The following HCN1 variants were observed in gnomAD, a reference collection of about 807,000 sequenced individuals.
HCN1 encodes potassium/sodium hyperpolarization-activated cyclic nucleotide-gated channel 1.
Under a neutral mutation model 78.9 loss-of-function variants are expected in HCN1, and 13 were observed. The observed-to-expected ratio is 0.16, with a 90% CI of 0.11 to 0.26. The LOEUF (loss-of-function observed/expected upper bound fraction) is 0.26. Ranked by LOEUF, HCN1 falls within the 10% of genes least tolerant of loss-of-function variation. The pLI is 1.00. For synonymous variants in HCN1, 552 were observed against 455.5 expected (o/e 1.21, Z -2.70); for missense variants, 810 against 1,154.3 (o/e 0.70, Z 4.32).
intron 1 of HCN1, among the ~76,000 whole-genome samples, chr5:45,679,877 A>C (rs1055375908): frequency 1.3e-5 from 2 of 152,052 alleles, no homozygotes; most frequent in African/African-American, 4.8e-5. Context: ...CATTTTGGTC[A>C]TTACTATCTC....
chr5:45,292,990 T>G lies in HCN1; in HGVS notation c.1618+10609A>C, dbSNP rs537236759. On this transcript the variant is annotated intron_variant, in intron 6 of 7. Transcript: ENST00000303230. ...TAATTGAAATAATTCAATAATAGGC[T>G]AAATGCTATGAAAGCATAAAGAGAA... is the stretch of plus-strand genomic sequence containing the variant. Among the ~76,000 whole-genome samples the G allele has an allele frequency of 2.2e-4, 34 of 152,174 alleles. No homozygotes were observed. The South Asian group carries it at 6.6e-3, about 30-fold the overall frequency.
chr5:45,485,032 C>T (rs1274127551), intron 2 of HCN1, among the ~76,000 whole-genome samples: 3 of 152,150 alleles, frequency 2.0e-5, no homozygotes, highest in African/African-American at 7.2e-5. Flanking sequence ...TTTGGATAAA[C>T]TCATTATCCA....
intron 4 of HCN1, among the ~76,000 whole-genome samples, chr5:45,391,724 G>A (rs1579864070): frequency 6.6e-6 from 1 of 151,894 alleles, no homozygotes; most frequent in Non-Finnish European, 1.5e-5. Context: ...TTGCTCCCAG[G>A]GAAATAAATC....
chr5:45,539,305 A>G (rs1252434200), intron 2 of HCN1, among the ~76,000 whole-genome samples: 1 of 151,682 alleles, frequency 6.6e-6, no homozygotes, highest in African/African-American at 2.4e-5. Flanking sequence ...TTTATTTTAA[A>G]ACTTTAAAAT....
chr5:45,363,530 TA>T (rs1261500699), intron 4 of HCN1, among the ~76,000 whole-genome samples: 1 of 151,854 alleles, frequency 6.6e-6, no homozygotes, highest in Non-Finnish European at 1.5e-5. Context: ...TGTCTATAAC[TA>T]AAAAAAACCT....
chr5:45,372,124 A>T (rs1274452292), intron 4 of HCN1, among the ~76,000 whole-genome samples: 6 of 53,600 alleles, frequency 1.1e-4, no homozygotes, highest in East Asian at 8.8e-4. Context: ...ATTATATATT[A>T]TATATATAAT....
chr5:45,474,744 C>T (rs545783620), intron 2 of HCN1, among the ~76,000 whole-genome samples: 1 of 151,884 alleles, frequency 6.6e-6, no homozygotes, highest in Non-Finnish European at 1.5e-5. Flanking sequence ...ATTCACTCCT[C>T]CAACTATGGG....
At chr5:45,382,510 C>T (rs1747830444) in intron 4 of HCN1, among the ~76,000 whole-genome samples, 1 of 152,136 alleles carries the variant, frequency 6.6e-6, no homozygotes, top group South Asian at 2.1e-4. Context: ...CATGTTTATA[C>T]ACACACAGAT....
At chr5:45,326,848 A>G (rs1746243053) in intron 5 of HCN1, among the ~76,000 whole-genome samples, 1 of 151,646 alleles carries the variant, frequency 6.6e-6, no homozygotes, top group Non-Finnish European at 1.5e-5. Context: ...GTCTTAGCAT[A>G]GTCCCACTGC....
chr5:45,523,220 A>G (rs1473015116), intron 2 of HCN1, among the ~76,000 whole-genome samples: 1 of 152,074 alleles, frequency 6.6e-6, no homozygotes, highest in Non-Finnish European at 1.5e-5. Context: ...AGTATTCCAT[A>G]GTGTATATGT....
At chr5:45,429,179 G>A (rs992978289) in intron 3 of HCN1, among the ~76,000 whole-genome samples, 12 of 152,144 alleles carry the variant, frequency 7.9e-5, no homozygotes, top group Admixed American at 2.0e-4. Flanking sequence ...TGATGGCAAT[G>A]ACAATCTCAA....
chr5:45,539,950 ATATATAT>A (rs1743063473), intron 2 of HCN1, among the ~76,000 whole-genome samples: 4 of 99,920 alleles, frequency 4.0e-5, no homozygotes, highest in South Asian at 3.2e-4. Context: ...ATATATATAT[ATATATAT>A]ATAAAATGTT....
intron 2 of HCN1, among the ~76,000 whole-genome samples, chr5:45,463,903 G>A (rs1283542705): frequency 6.6e-6 from 1 of 152,004 alleles, no homozygotes; most frequent in African/African-American, 2.4e-5. Flanking sequence ...GAAAAACCAG[G>A]AAGCTTATCA....
chr5:45,671,499 C>A (rs1477044577), intron 1 of HCN1, among the ~76,000 whole-genome samples: 1 of 151,396 alleles, frequency 6.6e-6, no homozygotes, highest in Non-Finnish European at 1.5e-5. Flanking sequence ...TCATGCCTTA[C>A]TCTTGTTTGA....
At chr5:45,650,749 A>G (rs923730276) in intron 1 of HCN1, among the ~76,000 whole-genome samples, 2 of 151,988 alleles carry the variant, frequency 1.3e-5, no homozygotes, top group Non-Finnish European at 2.9e-5. Context: ...AGTCCATGAT[A>G]CTAAATCAAG....
intron 2 of HCN1, among the ~76,000 whole-genome samples, chr5:45,577,969 T>A (rs1579979202): frequency 6.6e-6 from 1 of 152,134 alleles, no homozygotes; most frequent in East Asian, 1.9e-4. Context: ...CATCTGTAAT[T>A]CATGGTTTTT....
At chr5:45,567,951 C>A (rs915847925) in intron 2 of HCN1, among the ~76,000 whole-genome samples, 1 of 151,668 alleles carries the variant, frequency 6.6e-6, no homozygotes, top group Non-Finnish European at 1.5e-5. Context: ...CACACATATA[C>A]ACACACTGCT....
Position 45,330,211 on chromosome 5 carries a change from A to T in HCN1, c.1377+22889T>A, listed in dbSNP as rs529688218. ...TCCACTTGTGCTTTTGTATGTTCCAAGATCCAAACCATGATGCCATGCTGC... is the reference window on the plus strand; with the variant it reads ...TCCACTTGTGCTTTTGTATGTTCCATGATCCAAACCATGATGCCATGCTGC... On this transcript the variant is annotated intron_variant, in intron 5 of 7. Transcript: ENST00000303230. Among the ~76,000 whole-genome samples, 27 of 151,444 alleles carry T rather than the reference A, an allele frequency of 1.8e-4. 1 individual carries two copies. Among genetic ancestry groups the T allele is most frequent in the African/African-American group, 6.5e-4 (27 of 41,480 alleles).
intron 5 of HCN1, among the ~76,000 whole-genome samples, chr5:45,316,711 C>G (rs1746001430): frequency 6.6e-6 from 1 of 152,168 alleles, no homozygotes; most frequent in Admixed American, 6.5e-5. Flanking sequence ...GCAACTTCAG[C>G]AAAGTCTCAG....
Sources: gnomAD v4.1 joint callset for allele counts (sites outside exome capture counted in the v4.1 genomes callset) on GRCh38, gnomAD v4.1.1 for gene constraint, MANE v1.5 for transcripts, NCBI Gene and HGNC (gene_info 2026-07-23, HGNC 2026-07-21) for gene names.